Variants in PPARG observed in about 807,000 individuals in gnomAD.
The protein encoded by PPARG is peroxisome proliferator-activated receptor gamma.
A neutral mutation model predicts 39.2 loss-of-function variants in PPARG; 17 were observed. The observed-to-expected ratio is 0.43, with a 90% CI of 0.30 to 0.65. The LOEUF (loss-of-function observed/expected upper bound fraction) is 0.65. Among genes scored for constraint, PPARG ranks in the 30% least tolerant of loss-of-function variants. The pLI, the probability that PPARG is intolerant of heterozygous loss-of-function variation, is 0.13. For missense variants in PPARG, 406 were observed against 585.9 expected, an observed-to-expected ratio of 0.69 and a Z score of 3.17; for synonymous variants, 223 against 215.7, an observed-to-expected ratio of 1.03 and a Z score of -0.30.
intron 6 of PPARG, among the ~76,000 whole-genome samples, chr3:12,409,338 G>A (rs1027495179): frequency 3.9e-5 from 6 of 151,976 alleles, no homozygotes; most frequent in African/African-American, 1.5e-4. Flanking sequence ...CAATTGTTTG[G>A]CACCCTCTCT....
chr3:12,291,877 C>T (rs867391926), intron 1 of PPARG, among the ~76,000 whole-genome samples: 2 of 152,116 alleles, frequency 1.3e-5, no homozygotes, highest in African/African-American at 4.8e-5. Flanking sequence ...ATCTTTGAAA[C>T]GGAGAAAGTG....
At chr3:12,402,939 G>A (rs766403514) in intron 5 of PPARG, among the ~76,000 whole-genome samples, 17 of 152,090 alleles carry the variant, frequency 1.1e-4, no homozygotes, top group Non-Finnish European at 1.6e-4. Flanking sequence ...ATACCCTCCT[G>A]TATACTTTAG....
At chr3:12,313,580 A>G (rs943421847) in intron 2 of PPARG, among the ~76,000 whole-genome samples, 1 of 152,180 alleles carries the variant, frequency 6.6e-6, no homozygotes, top group African/African-American at 2.4e-5. Context: ...TCTGGTCCCA[A>G]ACATTTTGGA....
intron 7 of PPARG, among the ~76,000 whole-genome samples, chr3:12,422,773 T>G (rs1462976067): frequency 1.3e-5 from 2 of 151,814 alleles, no homozygotes; most frequent in African/African-American, 2.4e-5. Flanking sequence ...TCCAAGCTAC[T>G]CTGGAGGCTG....
intron 7 of PPARG, among the ~76,000 whole-genome samples, chr3:12,423,821 G>A (rs1480858757): frequency 3.3e-5 from 5 of 152,210 alleles, no homozygotes; most frequent in Non-Finnish European, 7.3e-5. Context: ...CTCTTTTCTT[G>A]TAATATTGCA....
At chr3:12,340,599 C>T (rs2048155538) in intron 2 of PPARG, among the ~76,000 whole-genome samples, 1 of 152,020 alleles carries the variant, frequency 6.6e-6, no homozygotes, top group African/African-American at 2.4e-5. Context: ...ATCTTACTTC[C>T]TAGAGGTATC....
At chr3:12,365,159 G>A (rs1485386260) in intron 2 of PPARG, among the ~76,000 whole-genome samples, 1 of 152,212 alleles carries the variant, frequency 6.6e-6, no homozygotes, top group East Asian at 1.9e-4. Context: ...TGCAGCCACT[G>A]ATCTGACAGG....
In PPARG at chr3:12,429,702, G is replaced by A. The variant is rs1219590238; in HGVS notation, c.1181-4196G>A. Reference sequence around the variant, plus strand: ...TCTCGGCACCTGTCTTTAGATGCACGTCTGCCTCTGGCCTTTGAGATGCAC... The same window carrying A: ...TCTCGGCACCTGTCTTTAGATGCACATCTGCCTCTGGCCTTTGAGATGCAC... On this transcript the variant is annotated intron_variant, in intron 7 of 7. Coordinates refer to ENST00000651735, the MANE Select transcript of PPARG (RefSeq NM_138711.6). Among the ~76,000 whole-genome samples the A allele has an allele frequency of 4.6e-5, 7 of 152,292 alleles. No individual in the cohort carries two copies. In the South Asian group the frequency reaches 1.2e-3, roughly 27 times the overall value.
intron 4 of PPARG, among the ~76,000 whole-genome samples, chr3:12,387,122 A>G (rs971314864): frequency 2.0e-5 from 3 of 152,150 alleles, no homozygotes; most frequent in Non-Finnish European, 2.9e-5. Context: ...TCAATCATTG[A>G]TGGACATTTG....
chr3:12,404,727 C>T (rs368496149), intron 5 of PPARG, among the ~76,000 whole-genome samples: 1 of 152,186 alleles, frequency 6.6e-6, no homozygotes, highest in Non-Finnish European at 1.5e-5. Context: ...TCGCTTGAAC[C>T]CAGGAGGTGG....
At chr3:12,360,071 T>G (rs2048792962) in intron 2 of PPARG, among the ~76,000 whole-genome samples, 1 of 152,220 alleles carries the variant, frequency 6.6e-6, no homozygotes, top group East Asian at 1.9e-4. Context: ...TAGCCTTCAC[T>G]GTGCAAGGAA....
chr3:12,325,911 T>C (rs2047681435), intron 2 of PPARG, among the ~76,000 whole-genome samples: 1 of 152,200 alleles, frequency 6.6e-6, no homozygotes. Flanking sequence ...TTTCGGTCGT[T>C]CATTAGTTTA....
Position 12,376,036 on chromosome 3 carries a change from C to G in PPARG, c.-8-3668C>G, listed in dbSNP as rs529211445. Among the ~76,000 whole-genome samples, 11 of 151,772 alleles carry G rather than the reference C, an allele frequency of 7.2e-5. No individual in the cohort carries two copies. The East Asian group carries it at 1.9e-3, about 27-fold the overall frequency. ...GTGATCTCAGCTCACCGCAACCTCT[C>G]TCTCCTGGGTTCAAGTGATTCTCCT... On this transcript the variant is annotated intron_variant, in intron 2 of 7. Coordinates refer to ENST00000651735, the MANE Select transcript of PPARG (RefSeq NM_138711.6).
At chr3:12,341,682 G>A (rs144320688) in intron 2 of PPARG, among the ~76,000 whole-genome samples, 6 of 152,236 alleles carry the variant, frequency 3.9e-5, no homozygotes, top group Admixed American at 3.3e-4. Context: ...TGTGGCACGC[G>A]CCTGTGGTCT....
intron 1 of PPARG, among the ~76,000 whole-genome samples, chr3:12,298,156 G>A (rs1022881350): frequency 6.7e-6 from 1 of 149,622 alleles, no homozygotes; most frequent in Non-Finnish European, 1.5e-5. Context: ...AAAATTAGCC[G>A]GGCGTAGTGG....
At chr3:12,369,780 G>C (rs2049144254) in intron 2 of PPARG, among the ~76,000 whole-genome samples, 1 of 152,074 alleles carries the variant, frequency 6.6e-6, no homozygotes, top group South Asian at 2.1e-4. Context: ...TACTTTTCTG[G>C]AGTTAATTTT....
chr3:12,339,245 A>C (rs1314962471), intron 2 of PPARG, among the ~76,000 whole-genome samples: 1 of 152,226 alleles, frequency 6.6e-6, no homozygotes, highest in Non-Finnish European at 1.5e-5. Context: ...TGAAATGTCT[A>C]ATAAAAGAAG....
At chr3:12,357,645 G>A (rs1326305090) in intron 2 of PPARG, among the ~76,000 whole-genome samples, 1 of 152,102 alleles carries the variant, frequency 6.6e-6, no homozygotes, top group Non-Finnish European at 1.5e-5. Context: ...CACCTCCCTG[G>A]AATGTTAACC....
In PPARG at chr3:12,416,830, C is replaced by T. The variant is rs1364613522; in HGVS notation, c.856C>T (p.Arg286Cys). The T allele has an allele frequency of 3.1e-6, 5 of 1,614,020 alleles. No individual in the cohort carries two copies. Among genetic ancestry groups the T allele is most frequent in the African/African-American group, 2.7e-5 (2 of 74,932 alleles). ...AIRIFQGCQF[R>C]SVEAVQEITE... ...CCGCATCTTTCAGGGCTGCCAGTTT[C>T]GCTCCGTGGAGGCTGTGCAGGAGAT... The change falls in exon 7 of 8, where the codon CGC becomes TGC. Residue 286 changes from arginine to cysteine, a missense_variant. Physicochemically the swap from Arg to Cys is radical, Grantham distance 180. Coordinates refer to ENST00000651735, the MANE Select transcript of PPARG (RefSeq NM_138711.6).
Sources: gnomAD v4.1 joint callset for allele counts (sites outside exome capture counted in the v4.1 genomes callset) on GRCh38, gnomAD v4.1.1 for gene constraint, MANE v1.5 for transcripts, NCBI Gene and HGNC (gene_info 2026-07-23, HGNC 2026-07-21) for gene names.